WDPCP: variants seen among roughly 807,000 people sequenced by gnomAD.
WDPCP encodes WD repeat-containing and planar cell polarity effector protein fritz homolog.
In WDPCP, 71 loss-of-function variants were observed where a neutral mutation model predicts 93.1. The observed-to-expected ratio is 0.76, with a 90% confidence interval of 0.63 to 0.93. The LOEUF is 0.93. Among genes scored for constraint, WDPCP ranks in the 40% least tolerant of loss-of-function variants. WDPCP has a pLI of 0.00. For synonymous variants in WDPCP, 315 were observed against 315.0 expected (o/e 1.00, Z 0.00); for missense variants, 844 against 887.4 (o/e 0.95, Z 0.62).
intron 1 of WDPCP, among the ~76,000 whole-genome samples, chr2:63,524,531 G>C (rs1203970253): frequency 6.6e-6 from 1 of 152,180 alleles, no homozygotes; most frequent in Non-Finnish European, 1.5e-5. Flanking sequence ...AAATGGTGTT[G>C]GGATAACTGG....
intron 1 of WDPCP, among the ~76,000 whole-genome samples, chr2:63,574,682 G>A (rs1275092416): frequency 6.6e-6 from 1 of 152,082 alleles, no homozygotes; most frequent in Non-Finnish European, 1.5e-5. Context: ...AGGGGTACCA[G>A]TATTGAACAA....
At chr2:63,500,704 T>C (rs945776197) in intron 1 of WDPCP, among the ~76,000 whole-genome samples, 3 of 152,170 alleles carry the variant, frequency 2.0e-5, no homozygotes, top group Non-Finnish European at 2.9e-5. Flanking sequence ...CTGCCTCAAT[T>C]TCCCCACCTG....
intron 6 of WDPCP, among the ~76,000 whole-genome samples, chr2:63,481,188 G>C (rs896845602): frequency 2.6e-5 from 4 of 151,918 alleles, no homozygotes; most frequent in African/African-American, 9.7e-5. Flanking sequence ...ACCACAATGT[G>C]ATATACCACC....
intron 2 of WDPCP, among the ~76,000 whole-genome samples, chr2:63,808,732 T>G (rs1360197234): frequency 1.3e-5 from 2 of 152,170 alleles, no homozygotes; most frequent in East Asian, 1.9e-4. Context: ...CCTCCCAAAG[T>G]GCCGAGATTG....
chr2:63,266,754 C>T (rs1285521095), intron 13 of WDPCP, among the ~76,000 whole-genome samples: 2 of 152,052 alleles, frequency 1.3e-5, no homozygotes, highest in Non-Finnish European at 2.9e-5. Flanking sequence ...TGCCGTCAGT[C>T]AAGATCACTC....
Position 63,487,430 on chromosome 2 carries a change from C to A in WDPCP, c.208+17G>T. 2 of 1,566,356 alleles carry A rather than the reference C, an allele frequency of 1.3e-6. No homozygotes were observed. Among genetic ancestry groups the A allele is most frequent in the African/African-American group, 1.4e-5 (1 of 73,794 alleles). On this transcript the variant is annotated intron_variant, in intron 3 of 17. Coordinates refer to ENST00000272321, the MANE Select transcript of WDPCP (RefSeq NM_015910.7). ...ATTTAGTTAATAAAAATTAATTGCA[C>A]AGAATAGGTACTTTACCTGGTGGAT... is the stretch of plus-strand genomic sequence containing the variant.
intron 1 of WDPCP, among the ~76,000 whole-genome samples, chr2:63,546,294 T>C (rs1558787111): frequency 6.6e-6 from 1 of 152,296 alleles, no homozygotes; most frequent in East Asian, 1.9e-4. Context: ...GCCTTTAATA[T>C]GAACTCAGAG....
chr2:63,211,236 C>T (rs949844993), intron 14 of WDPCP, among the ~76,000 whole-genome samples: 5 of 152,118 alleles, frequency 3.3e-5, no homozygotes, highest in Non-Finnish European at 5.9e-5. Flanking sequence ...CTCATACAGC[C>T]GGCCAGGTGC....
At chr2:63,195,572 C>T (rs1331355862) in intron 14 of WDPCP, among the ~76,000 whole-genome samples, 3 of 152,010 alleles carry the variant, frequency 2.0e-5, no homozygotes. Flanking sequence ...GATCCTCCTG[C>T]CTCAGCCTCC....
chr2:63,384,083 T>G (rs1300728433), intron 10 of WDPCP, among the ~76,000 whole-genome samples: 1 of 152,080 alleles, frequency 6.6e-6, no homozygotes, highest in Non-Finnish European at 1.5e-5. Flanking sequence ...AAATAACCTA[T>G]GGGTCAAAGA....
At chr2:63,517,241 A>T (rs553440206) in intron 1 of WDPCP, among the ~76,000 whole-genome samples, 31 of 151,988 alleles carry the variant, frequency 2.0e-4, no homozygotes, top group Admixed American at 1.4e-3. Flanking sequence ...TTATATGTTC[A>T]TATATTATGT....
intron 6 of WDPCP, among the ~76,000 whole-genome samples, chr2:63,481,833 C>T (rs1474888009): frequency 3.3e-5 from 5 of 151,686 alleles, no homozygotes; most frequent in Admixed American, 3.3e-4. Context: ...TCAGAAATCA[C>T]CACCAAAGAA....
At chr2:63,486,519 CA>C in intron 4 of WDPCP, 22 bp downstream of exon 4, 4 of 1,547,548 alleles carry the variant, frequency 2.6e-6, no homozygotes, top group East Asian at 2.4e-5. Context: ...ATAATAATTC[CA>C]AAAAATATAA....
At chr2:63,186,350 G>A (rs527314662) in intron 14 of WDPCP, among the ~76,000 whole-genome samples, 1 of 151,872 alleles carries the variant, frequency 6.6e-6, no homozygotes, top group South Asian at 2.1e-4. Context: ...TGGATGTGGG[G>A]GCCCTTCCCC....
At chr2:63,334,504 T>C (rs190959521) in intron 12 of WDPCP, among the ~76,000 whole-genome samples, 12 of 152,208 alleles carry the variant, frequency 7.9e-5, no homozygotes, top group Admixed American at 3.3e-4. Flanking sequence ...AGGTCATAAG[T>C]AGACAAGAGA....
chr2:63,606,845 G>A (rs2106631402), intron 3 of WDPCP: 1 of 1,587,258 alleles, frequency 6.3e-7, no homozygotes, highest in Non-Finnish European at 8.6e-7. Context: ...TCTCTTATTT[G>A]CATTATTTTC....
At chr2:63,384,336 T>TA (rs1481152087) in intron 10 of WDPCP, among the ~76,000 whole-genome samples, 1 of 152,098 alleles carries the variant, frequency 6.6e-6, no homozygotes, top group East Asian at 1.9e-4. Context: ...TACTGACATT[T>TA]AAAATCAGTG....
At chr2:63,504,839 G>A (rs1701768709) in intron 1 of WDPCP, among the ~76,000 whole-genome samples, 1 of 151,998 alleles carries the variant, frequency 6.6e-6, no homozygotes, top group South Asian at 2.1e-4. Flanking sequence ...GTAAATTGAT[G>A]TATCTAAATA....
Position 63,504,012 on chromosome 2 carries a change from G to T in WDPCP, c.76-11072C>A, listed in dbSNP as rs573515698. ...ACCTCTACCTTGTCAGATTTCACTT[G>T]TCAACACTTTGATGACAGATTGCTA... On this transcript the variant is annotated intron_variant, in intron 1 of 17. Transcript: ENST00000272321. Among the ~76,000 whole-genome samples the T allele has an allele frequency of 3.3e-5, 5 of 151,708 alleles. No homozygotes were observed. In the East Asian group the frequency reaches 9.7e-4, roughly 29 times the overall value.
Sources: gnomAD v4.1 joint callset for allele counts (sites outside exome capture counted in the v4.1 genomes callset) on GRCh38, gnomAD v4.1.1 for gene constraint, MANE v1.5 for transcripts, NCBI Gene and HGNC (gene_info 2026-07-23, HGNC 2026-07-21) for gene names.